The following BAZ2B variants were observed in gnomAD, a reference collection of about 807,000 sequenced individuals.
BAZ2B encodes bromodomain adjacent to zinc finger domain 2B, also known as bromodomain adjacent to zinc finger domain protein 2B.
In BAZ2B, 91 loss-of-function variants were observed where a neutral mutation model predicts 246.0. The ratio of observed to expected loss-of-function variants is 0.37; its 90% confidence interval spans 0.31 to 0.44. The LOEUF is 0.44. Among genes scored for constraint, BAZ2B ranks in the 20% least tolerant of loss-of-function variants. BAZ2B has a pLI of 1.00. For synonymous variants in BAZ2B, 855 were observed against 860.0 expected, an observed-to-expected ratio of 0.99 and a Z score of 0.10; for missense variants, 2,332 against 2,533.7, an observed-to-expected ratio of 0.92 and a Z score of 1.71.
At chr2:159,635,927 C>A in the BAZ2B span, among the ~76,000 whole-genome samples, 54,180 of 151,862 alleles carry the variant, frequency 0.36, 9,860 homozygotes, top group South Asian at 0.46. Context: ...TGTGGTAGCA[C>A]ATGCCTGCAG....
the BAZ2B span, among the ~76,000 whole-genome samples, chr2:159,702,867 A>G: frequency 6.6e-6 from 1 of 151,712 alleles, no homozygotes; most frequent in Non-Finnish European, 1.5e-5. Flanking sequence ...AGTGAAACCC[A>G]GTCTCTACTA....
At chr2:159,635,887 T>C in the BAZ2B span, among the ~76,000 whole-genome samples, 1 of 151,200 alleles carries the variant, frequency 6.6e-6, no homozygotes, top group Non-Finnish European at 1.5e-5. Flanking sequence ...GGAGACCCTG[T>C]CTCTATAAAA....
At chr2:159,517,142 T>C (rs138106570) in intron 2 of BAZ2B, among the ~76,000 whole-genome samples, 2 of 152,116 alleles carry the variant, frequency 1.3e-5, no homozygotes, top group East Asian at 3.9e-4. Flanking sequence ...GTGGCAGTCT[T>C]TGAAAAAAAA....
chr2:159,683,162 A>T, the BAZ2B span, among the ~76,000 whole-genome samples: 2 of 151,972 alleles, frequency 1.3e-5, no homozygotes, highest in East Asian at 3.9e-4. Context: ...CTAATGTCTA[A>T]TTTTTTTTCT....
chr2:159,347,743 G>A, intron 30 of BAZ2B, 97 bp from the exon 31 acceptor site: 1 of 1,032,910 alleles, frequency 9.7e-7, no homozygotes, highest in Non-Finnish European at 1.4e-6. Flanking sequence ...GGAGACCCAT[G>A]TACATCTAAC....
intron 2 of BAZ2B, among the ~76,000 whole-genome samples, chr2:159,486,114 G>A (rs977683395): frequency 6.6e-6 from 1 of 151,982 alleles, no homozygotes; most frequent in East Asian, 1.9e-4. Flanking sequence ...TAAATTGTAG[G>A]TATAGTCTGT....
At chr2:159,472,051 T>C (rs1171419784) in intron 3 of BAZ2B, among the ~76,000 whole-genome samples, 2 of 152,156 alleles carry the variant, frequency 1.3e-5, no homozygotes, top group Middle Eastern at 3.2e-3. Flanking sequence ...GGGTAGATAA[T>C]TGGTTCATTC....
the BAZ2B span, among the ~76,000 whole-genome samples, chr2:159,699,157 C>T: frequency 6.6e-6 from 1 of 152,160 alleles, no homozygotes; most frequent in Non-Finnish European, 1.5e-5. Flanking sequence ...TACAATCTCC[C>T]TTGTAAAACT....
chr2:159,448,349 G>T lies in BAZ2B; in HGVS notation c.395C>A (p.Pro132Gln). ...AAATAGTGGTGGAATTCCCAGTAAT[G>T]GTGGAAAGAAGGTTGCTCCTGTACG... ...HTRTGATFFP[P>Q]LLGIPPLFAP... Residue 132 changes from proline (P) to glutamine (Q), a missense_variant, in exon 5 of 37, where the codon CCA becomes CAA. By Grantham distance (76) the Pro-to-Gln change is moderately conservative (BLOSUM62 -1). Transcript: ENST00000392783. 6.2e-7 allele frequency: 1 copy of T among 1,613,082 alleles called. No homozygotes were observed. Among genetic ancestry groups the T allele is most frequent in the East Asian group, 2.2e-5 (1 of 44,812 alleles).
intron 27 of BAZ2B, among the ~76,000 whole-genome samples, chr2:159,361,897 T>C (rs2059739087): frequency 2.0e-5 from 3 of 150,884 alleles, no homozygotes; most frequent in South Asian, 2.1e-4. Flanking sequence ...TAAGTGGGCG[T>C]TGAACGATGA....
At chr2:159,478,453 C>T in intron 3 of BAZ2B, 122 bp downstream of exon 3, 1 of 1,091,302 alleles carries the variant, frequency 9.2e-7, no homozygotes, top group African/African-American at 1.6e-5. Context: ...AGGTGTTTAA[C>T]CTAGCCTTTA....
At chr2:159,415,217 C>T (rs138050579) in intron 13 of BAZ2B, among the ~76,000 whole-genome samples, 20 of 152,000 alleles carry the variant, frequency 1.3e-4, no homozygotes, top group East Asian at 5.8e-4. Context: ...GAGGCTAAGG[C>T]GGGCAGATCA....
chr2:159,548,214 A>T (rs2087651866), intron 2 of BAZ2B, among the ~76,000 whole-genome samples: 1 of 152,234 alleles, frequency 6.6e-6, no homozygotes, highest in Non-Finnish European at 1.5e-5. Context: ...ACATTTTAAA[A>T]TTTTAACACC....
intron 1 of BAZ2B, among the ~76,000 whole-genome samples, chr2:159,583,961 T>C (rs1014848822): frequency 1.3e-5 from 2 of 152,078 alleles, no homozygotes; most frequent in African/African-American, 4.8e-5. Flanking sequence ...AGAAGGTTAG[T>C]GTAGCTGGCC....
chr2:159,676,394 T>C, the BAZ2B span, among the ~76,000 whole-genome samples: 1 of 152,206 alleles, frequency 6.6e-6, no homozygotes, highest in Non-Finnish European at 1.5e-5. Context: ...CTTGGTTCTT[T>C]GTGACACTTC....
the BAZ2B span, among the ~76,000 whole-genome samples, chr2:159,623,392 C>CCA: frequency 2.0e-5 from 3 of 151,690 alleles, no homozygotes; most frequent in Non-Finnish European, 4.4e-5. Context: ...AAACAAAAAA[C>CCA]CACACACACA....
chr2:159,340,711 G>GAA (rs1238260709), intron 31 of BAZ2B, among the ~76,000 whole-genome samples: 1 of 151,894 alleles, frequency 6.6e-6, no homozygotes, highest in Admixed American at 6.6e-5. Flanking sequence ...CAGACTGAGG[G>GAA]AAACTGAAGG....
chr2:159,322,104 G>A (rs2062783798), intron 36 of BAZ2B: 8 of 152,030 alleles, frequency 5.3e-5, no homozygotes, highest in Admixed American at 5.2e-4. Context: ...TTGTCAAAGT[G>A]GAATTCTATT....
chr2:159,417,665 A>C (rs1407882212), intron 13 of BAZ2B, among the ~76,000 whole-genome samples: 2 of 152,202 alleles, frequency 1.3e-5, no homozygotes, highest in Non-Finnish European at 2.9e-5. Flanking sequence ...TACACTGTAA[A>C]TCTGTAATAT....
Sources: gnomAD v4.1 joint callset for allele counts (sites outside exome capture counted in the v4.1 genomes callset) on GRCh38, gnomAD v4.1.1 for gene constraint, MANE v1.5 for transcripts, NCBI Gene and HGNC (gene_info 2026-07-23, HGNC 2026-07-21) for gene names.